The following CNTN5 variants were observed in gnomAD, a reference collection of about 807,000 sequenced individuals.
The protein encoded by CNTN5 is contactin 5.
In CNTN5, 77 loss-of-function variants were observed where a neutral mutation model predicts 129.1. That is an observed-to-expected ratio of 0.60 (90% CI 0.50 to 0.72). The LOEUF is 0.72. Ranked by LOEUF, CNTN5 falls within the 30% of genes least tolerant of loss-of-function variation. The pLI is 0.00. For missense variants in CNTN5, 1,478 were observed against 1,328.8 expected, an observed-to-expected ratio of 1.11 and a Z score of -1.75; for synonymous variants, 509 against 465.6, an observed-to-expected ratio of 1.09 and a Z score of -1.20.
At chr11:100,285,646 T>C (rs1274093113) in intron 18 of CNTN5, among the ~76,000 whole-genome samples, 1 of 152,164 alleles carries the variant, frequency 6.6e-6, no homozygotes, top group Non-Finnish European at 1.5e-5. Context: ...TGTCTTTGCT[T>C]TCTAGTTATT....
chr11:99,320,788 C>G (rs148040735), intron 1 of CNTN5, among the ~76,000 whole-genome samples: 2 of 152,286 alleles, frequency 1.3e-5, no homozygotes, highest in African/African-American at 4.8e-5. Flanking sequence ...TATGTGTCAA[C>G]TTGCCTGGGC....
At chr11:99,490,519 T>C (rs573595769) in intron 2 of CNTN5, among the ~76,000 whole-genome samples, 1 of 152,320 alleles carries the variant, frequency 6.6e-6, no homozygotes, top group South Asian at 2.1e-4. Flanking sequence ...TATTTTTCAG[T>C]GTGCGTTCCT....
chr11:100,306,408 G>A (rs1195664293), intron 20 of CNTN5, among the ~76,000 whole-genome samples: 1 of 151,608 alleles, frequency 6.6e-6, no homozygotes, highest in Non-Finnish European at 1.5e-5. Flanking sequence ...CATGTTTTGT[G>A]CTTCTGAAAT....
chr11:100,109,452 C>G (rs1037488365), intron 13 of CNTN5, among the ~76,000 whole-genome samples: 1 of 152,044 alleles, frequency 6.6e-6, no homozygotes, highest in Non-Finnish European at 1.5e-5. Flanking sequence ...AACAAAATCC[C>G]CCAAACAAGG....
At chr11:99,792,392 A>G (rs1333096709) in intron 3 of CNTN5, among the ~76,000 whole-genome samples, 1 of 152,024 alleles carries the variant, frequency 6.6e-6, no homozygotes, top group Non-Finnish European at 1.5e-5. Context: ...GAGATGAATA[A>G]TTTATTGATT....
intron 23 of CNTN5, among the ~76,000 whole-genome samples, chr11:100,342,977 T>G (rs1168814155): frequency 6.6e-6 from 1 of 152,162 alleles, no homozygotes; most frequent in Non-Finnish European, 1.5e-5. Context: ...ATAATACATA[T>G]TATACAGGAT....
chr11:99,454,525 C>T (rs545956082), intron 2 of CNTN5, among the ~76,000 whole-genome samples: 44 of 152,240 alleles, frequency 2.9e-4, no homozygotes, highest in African/African-American at 1.0e-3. Flanking sequence ...TCCCCTTGCC[C>T]TTCCACCATG....
intron 6 of CNTN5, among the ~76,000 whole-genome samples, chr11:99,906,703 A>C (rs1949516078): frequency 6.6e-6 from 1 of 152,138 alleles, no homozygotes; most frequent in African/African-American, 2.4e-5. Context: ...TTTTTGGAAT[A>C]GTTTCAGAAG....
chr11:99,706,349 AC>A (rs1291323176), intron 3 of CNTN5, among the ~76,000 whole-genome samples: 3 of 151,314 alleles, frequency 2.0e-5, no homozygotes, highest in Non-Finnish European at 3.0e-5. Flanking sequence ...TATGTTCCCT[AC>A]TCTATTATAT....
chr11:99,598,740 C>T (rs886639604), intron 3 of CNTN5, among the ~76,000 whole-genome samples: 2 of 151,842 alleles, frequency 1.3e-5, no homozygotes, highest in African/African-American at 4.8e-5. Flanking sequence ...TGATATTTCA[C>T]ATCATCACAT....
intron 3 of CNTN5, among the ~76,000 whole-genome samples, chr11:99,712,071 T>A (rs1049215955): frequency 2.6e-5 from 4 of 152,148 alleles, no homozygotes; most frequent in African/African-American, 9.7e-5. Context: ...TCTTCCACAA[T>A]GGTTGAACTA....
At chr11:99,410,994 TGC>T (rs1231285910) in intron 2 of CNTN5, among the ~76,000 whole-genome samples, 1 of 152,222 alleles carries the variant, frequency 6.6e-6, no homozygotes, top group African/African-American at 2.4e-5. Context: ...TATATTGAGC[TGC>T]GCATTTTACA....
At chr11:100,110,185 T>TA (rs1294435145) in intron 13 of CNTN5, among the ~76,000 whole-genome samples, 5,969 of 118,312 alleles carry the variant, frequency 0.05, 307 homozygotes, top group African/African-American at 0.14. Context: ...AGACCCTATC[T>TA]AAAAAAAAAA....
chr11:99,274,435 G>T (rs1863327405), intron 1 of CNTN5, among the ~76,000 whole-genome samples: 1 of 151,540 alleles, frequency 6.6e-6, no homozygotes, highest in Non-Finnish European at 1.5e-5. Flanking sequence ...AATTTTTTGA[G>T]AAGCTGTTTT....
rs138494042 is a variant in CNTN5 at position 99,501,023 on chromosome 11, C to T, written c.-70-55122C>T. On this transcript the variant is annotated intron_variant, in intron 2 of 24. Transcript: ENST00000524871. ...TTGATATATGCACCATGCATACATACGTGTATTTGTATATATTCTCTGTTT... is the reference window on the plus strand; with the variant it reads ...TTGATATATGCACCATGCATACATATGTGTATTTGTATATATTCTCTGTTT... Among the ~76,000 whole-genome samples the T allele has an allele frequency of 3.9e-5, 6 of 152,130 alleles. No individual in the cohort carries two copies. The South Asian group carries it at 8.3e-4, about 21-fold the overall frequency.
At chr11:99,531,100 T>C (rs886478290) in intron 2 of CNTN5, among the ~76,000 whole-genome samples, 1 of 152,180 alleles carries the variant, frequency 6.6e-6, no homozygotes, top group Non-Finnish European at 1.5e-5. Context: ...AGAGACTTGT[T>C]GAATGGCTTT....
At chr11:100,332,268 C>A (rs1951920145) in intron 21 of CNTN5, among the ~76,000 whole-genome samples, 1 of 151,940 alleles carries the variant, frequency 6.6e-6, no homozygotes, top group South Asian at 2.1e-4. Flanking sequence ...ATATGCAACC[C>A]TCCTAGAGTA....
At position 100,279,774 on chromosome 11, in the gene CNTN5, T is replaced by C. The variant is rs1412699982; in HGVS notation, c.2314+8533T>C. ...TTTTTGTTCTATTGATCTTTTGTAT[T>C]GTTTTCTTCATTTCATTTATTTCTG... On this transcript the variant is annotated intron_variant, in intron 18 of 24. Coordinates refer to ENST00000524871, the MANE Select transcript of CNTN5 (RefSeq NM_014361.4). 1.3e-5 allele frequency among the ~76,000 whole-genome samples: 2 copies of C among 151,866 alleles called. 1 individual carries two copies. Among genetic ancestry groups the C allele is most frequent in the Non-Finnish European group, 2.9e-5 (2 of 67,864 alleles).
intron 6 of CNTN5, among the ~76,000 whole-genome samples, chr11:99,903,303 C>A (rs538797426): frequency 8.6e-5 from 13 of 151,456 alleles, no homozygotes; most frequent in South Asian, 6.2e-4. Flanking sequence ...TATGGTATAA[C>A]CATAACCAAA....
Sources: gnomAD v4.1 joint callset for allele counts (sites outside exome capture counted in the v4.1 genomes callset) on GRCh38, gnomAD v4.1.1 for gene constraint, MANE v1.5 for transcripts, NCBI Gene and HGNC (gene_info 2026-07-23, HGNC 2026-07-21) for gene names.